SGCZ: variants seen among roughly 807,000 people sequenced by gnomAD.
SGCZ encodes zeta-sarcoglycan.
Under a neutral mutation model 41.3 loss-of-function variants are expected in SGCZ, and 40 were observed. That is an observed-to-expected ratio of 0.97 (90% CI 0.75 to 1.26). SGCZ has a LOEUF of 1.26. Ranked by LOEUF, SGCZ falls within the 50% of genes most tolerant of loss-of-function variation. SGCZ has a pLI of 0.00. For missense variants in SGCZ, 552 were observed against 369.8 expected, an observed-to-expected ratio of 1.49 and a Z score of -4.04; for synonymous variants, 206 against 137.5, an observed-to-expected ratio of 1.50 and a Z score of -3.49.
At chr8:14,452,753 T>A (rs1429593941) in intron 2 of SGCZ, among the ~76,000 whole-genome samples, 1 of 152,082 alleles carries the variant, frequency 6.6e-6, no homozygotes, top group Non-Finnish European at 1.5e-5. Flanking sequence ...CAAAATATTC[T>A]GTTAAAAATA....
chr8:14,953,016 C>G (rs144407966), intron 1 of SGCZ, among the ~76,000 whole-genome samples: 82 of 152,058 alleles, frequency 5.4e-4, no homozygotes, highest in Non-Finnish European at 8.8e-4. Context: ...CATCTAACTT[C>G]TTGAAGATAA....
intron 1 of SGCZ, among the ~76,000 whole-genome samples, chr8:15,153,742 C>G (rs547729066): frequency 6.6e-6 from 1 of 152,134 alleles, no homozygotes; most frequent in Non-Finnish European, 1.5e-5. Context: ...AAAAGTTTCT[C>G]CAAGCCTCCT....
intron 2 of SGCZ, among the ~76,000 whole-genome samples, chr8:14,344,441 G>A (rs899236726): frequency 1.3e-5 from 2 of 151,696 alleles, no homozygotes; most frequent in East Asian, 1.9e-4. Context: ...ATTAACTATA[G>A]AATAACAACA....
At chr8:14,702,414 T>C (rs1809167442) in intron 1 of SGCZ, among the ~76,000 whole-genome samples, 1 of 151,968 alleles carries the variant, frequency 6.6e-6, no homozygotes, top group Admixed American at 6.6e-5. Flanking sequence ...CTCTTTACTA[T>C]AGTGTATAGA....
chr8:14,883,097 T>C (rs1804655325), intron 1 of SGCZ, among the ~76,000 whole-genome samples: 1 of 152,102 alleles, frequency 6.6e-6, no homozygotes, highest in South Asian at 2.1e-4. Context: ...TAAATTTACA[T>C]GGTCTCTTCT....
At chr8:15,223,094 T>C (rs1246522332) in intron 1 of SGCZ, among the ~76,000 whole-genome samples, 2 of 152,180 alleles carry the variant, frequency 1.3e-5, no homozygotes, top group African/African-American at 4.8e-5. Flanking sequence ...CTTTCTATTT[T>C]ACCAACCCTT....
At chr8:14,652,521 T>C (rs967592491) in intron 1 of SGCZ, among the ~76,000 whole-genome samples, 2 of 152,038 alleles carry the variant, frequency 1.3e-5, no homozygotes, top group South Asian at 2.1e-4. Context: ...GTAAATTCTA[T>C]GTATGCAGAG....
At chr8:14,096,490 T>C (rs930484920) in intron 7 of SGCZ, among the ~76,000 whole-genome samples, 4 of 152,206 alleles carry the variant, frequency 2.6e-5, no homozygotes, top group African/African-American at 4.8e-5. Context: ...TTTGTTGTGC[T>C]GCTGGATTCG....
At chr8:14,594,830 C>G (rs1389765217) in intron 1 of SGCZ, among the ~76,000 whole-genome samples, 1 of 151,528 alleles carries the variant, frequency 6.6e-6, no homozygotes, top group Non-Finnish European at 1.5e-5. Flanking sequence ...TGACGTAAGA[C>G]GTTTTCCTTA....
intron 1 of SGCZ, among the ~76,000 whole-genome samples, chr8:15,206,932 A>C (rs1231445023): frequency 6.6e-6 from 1 of 152,190 alleles, no homozygotes; most frequent in Non-Finnish European, 1.5e-5. Flanking sequence ...AATTTGCTGT[A>C]ACAAGACAAA....
At chr8:14,511,364 T>C (rs1328453110) in intron 2 of SGCZ, among the ~76,000 whole-genome samples, 2 of 152,054 alleles carry the variant, frequency 1.3e-5, no homozygotes, top group African/African-American at 4.8e-5. Context: ...ATTTTCCCAA[T>C]AGGCCCACTG....
intron 1 of SGCZ, among the ~76,000 whole-genome samples, chr8:15,205,572 C>CA (rs1801031472): frequency 6.6e-6 from 1 of 151,964 alleles, no homozygotes; most frequent in Admixed American, 6.6e-5. Flanking sequence ...TCATACCAGT[C>CA]ACAATGGCTA....
intron 1 of SGCZ, among the ~76,000 whole-genome samples, chr8:14,779,917 G>C (rs1043402784): frequency 3.3e-5 from 5 of 152,180 alleles, no homozygotes; most frequent in Non-Finnish European, 5.9e-5. Context: ...ATGATCTAGA[G>C]ATTAGAAATA....
intron 4 of SGCZ, among the ~76,000 whole-genome samples, chr8:14,193,696 C>T (rs1056021521): frequency 6.6e-6 from 1 of 151,960 alleles, no homozygotes; most frequent in Non-Finnish European, 1.5e-5. Flanking sequence ...TCTGAAATAG[C>T]ATAAAGATAA....
At chr8:14,991,554 A>AGCAAAC (rs1246379052) in intron 1 of SGCZ, among the ~76,000 whole-genome samples, 2 of 152,120 alleles carry the variant, frequency 1.3e-5, no homozygotes, top group African/African-American at 4.8e-5. Context: ...TTCCTTGAAT[A>AGCAAAC]TTATCAAAGC....
chr8:14,724,769 G>A (rs1411859289), intron 1 of SGCZ, among the ~76,000 whole-genome samples: 1 of 151,700 alleles, frequency 6.6e-6, no homozygotes, highest in East Asian at 1.9e-4. Context: ...TTTAATATAA[G>A]CATATAATGT....
intron 1 of SGCZ, among the ~76,000 whole-genome samples, chr8:15,236,237 G>A (rs781377405): frequency 7.9e-5 from 12 of 152,124 alleles, no homozygotes; most frequent in Non-Finnish European, 1.8e-4. Flanking sequence ...ACTGTTCTCT[G>A]TCCCTCCTTC....
intron 5 of SGCZ, among the ~76,000 whole-genome samples, chr8:14,122,180 G>A (rs532751027): frequency 7.2e-5 from 11 of 152,364 alleles, no homozygotes; most frequent in African/African-American, 2.4e-4. Context: ...GGGAGGCTGA[G>A]GCAGGAGAAT....
chr8:14,092,450 G>C (rs1801714826), intron 7 of SGCZ, among the ~76,000 whole-genome samples: 1 of 152,000 alleles, frequency 6.6e-6, no homozygotes, highest in Non-Finnish European at 1.5e-5. Context: ...ATAAAAGTGT[G>C]TGGACTTTTA....
Sources: allele counts gnomAD v4.1 joint callset (sites outside exome capture counted in the v4.1 genomes callset), GRCh38; gene constraint gnomAD v4.1.1; transcripts MANE v1.5; gene names NCBI Gene and HGNC (gene_info 2026-07-23, HGNC 2026-07-21).